Variants in LRRC4C observed in about 807,000 individuals in gnomAD.
LRRC4C encodes the protein leucine-rich repeat-containing protein 4C.
A neutral mutation model predicts 33.6 loss-of-function variants in LRRC4C; 5 were observed. The ratio of observed to expected loss-of-function variants is 0.15; its 90% CI spans 0.08 to 0.31. LRRC4C has a LOEUF of 0.31. LRRC4C is among the 10% of genes least tolerant of loss of function. LRRC4C has a pLI of 1.00. For missense variants in LRRC4C, 560 were observed against 796.7 expected (o/e 0.70, Z 3.58); for synonymous variants, 329 against 302.0 (o/e 1.09, Z -0.93).
intron 1 of LRRC4C, among the ~76,000 whole-genome samples, chr11:41,377,667 C>A (rs1465969707): frequency 6.6e-6 from 1 of 152,128 alleles, no homozygotes; most frequent in Non-Finnish European, 1.5e-5. Flanking sequence ...CATAGATGAT[C>A]CTTCAAATAC....
chr11:40,894,221 A>G (rs1242277627), intron 2 of LRRC4C, among the ~76,000 whole-genome samples: 1 of 152,160 alleles, frequency 6.6e-6, no homozygotes, highest in Non-Finnish European at 1.5e-5. Flanking sequence ...AAACGTATTG[A>G]TACATGTCTC....
chr11:40,886,956 G>A (rs1359070499), intron 2 of LRRC4C, among the ~76,000 whole-genome samples: 5 of 138,452 alleles, frequency 3.6e-5, no homozygotes, highest in Non-Finnish European at 6.0e-5. Context: ...ATACACGTGT[G>A]TGTATATATA....
At chr11:41,175,148 T>TA in intron 1 of LRRC4C, among the ~76,000 whole-genome samples, 1 of 152,144 alleles carries the variant, frequency 6.6e-6, no homozygotes, top group East Asian at 1.9e-4. Context: ...CTGATATTTG[T>TA]AAAAAATACC....
intron 3 of LRRC4C, among the ~76,000 whole-genome samples, chr11:40,555,065 G>A (rs1957282407): frequency 6.6e-6 from 1 of 152,162 alleles, no homozygotes; most frequent in African/African-American, 2.4e-5. Flanking sequence ...GAATGTTATT[G>A]AGGTACAGAA....
At chr11:41,419,086 G>A (rs1287307908) in intron 1 of LRRC4C, among the ~76,000 whole-genome samples, 2 of 151,902 alleles carry the variant, frequency 1.3e-5, no homozygotes, top group Non-Finnish European at 2.9e-5. Context: ...TAAGAAAGAG[G>A]CAAAGTACAG....
At chr11:41,114,151 A>G (rs1178556777) in intron 1 of LRRC4C, among the ~76,000 whole-genome samples, 1 of 152,082 alleles carries the variant, frequency 6.6e-6, no homozygotes, top group Non-Finnish European at 1.5e-5. Flanking sequence ...ACGAAATGAA[A>G]ACTTTCAGTT....
chr11:40,575,087 C>G (rs988170637), intron 3 of LRRC4C, among the ~76,000 whole-genome samples: 1 of 152,096 alleles, frequency 6.6e-6, no homozygotes, highest in Non-Finnish European at 1.5e-5. Context: ...CTCCAGTTCT[C>G]CATATCTCAG....
At chr11:40,563,353 G>C (rs889959896) in intron 3 of LRRC4C, among the ~76,000 whole-genome samples, 1 of 152,042 alleles carries the variant, frequency 6.6e-6, no homozygotes, top group Non-Finnish European at 1.5e-5. Context: ...GGTAACTTGG[G>C]GAAAAGCCTG....
chr11:41,436,002 G>A (rs1955412196), intron 1 of LRRC4C, among the ~76,000 whole-genome samples: 1 of 152,096 alleles, frequency 6.6e-6, no homozygotes, highest in South Asian at 2.1e-4. Context: ...TCAGGAGTTC[G>A]AGACCAGCCT....
intron 3 of LRRC4C, among the ~76,000 whole-genome samples, chr11:40,436,486 C>A (rs1951144576): frequency 6.6e-6 from 1 of 152,114 alleles, no homozygotes; most frequent in Non-Finnish European, 1.5e-5. Context: ...AGAAAATGCT[C>A]CAGTCTAGGC....
intron 3 of LRRC4C, among the ~76,000 whole-genome samples, chr11:40,625,698 A>AT (rs1453813056): frequency 2.6e-5 from 4 of 152,066 alleles, no homozygotes; most frequent in East Asian, 3.9e-4. Flanking sequence ...AAAATTTCTC[A>AT]TTTTTTCCAA....
At chr11:40,338,825 G>A (rs994509781) in intron 3 of LRRC4C, among the ~76,000 whole-genome samples, 1 of 152,038 alleles carries the variant, frequency 6.6e-6, no homozygotes, top group Non-Finnish European at 1.5e-5. Flanking sequence ...GTAGGAAAAG[G>A]CTTCATTCTG....
chr11:41,343,010 C>A (rs954630636), intron 1 of LRRC4C, among the ~76,000 whole-genome samples: 2 of 152,322 alleles, frequency 1.3e-5, no homozygotes, highest in East Asian at 1.9e-4. Context: ...CAGTCTCTAC[C>A]TTTGTCTTCA....
intron 4 of LRRC4C, among the ~76,000 whole-genome samples, chr11:40,303,015 G>T (rs1410166461): frequency 6.6e-6 from 1 of 152,096 alleles, no homozygotes; most frequent in African/African-American, 2.4e-5. Flanking sequence ...GCCACATCAA[G>T]AATTATTATT....
chr11:40,893,146 T>C (rs1955794157), intron 2 of LRRC4C, among the ~76,000 whole-genome samples: 1 of 152,092 alleles, frequency 6.6e-6, no homozygotes, highest in Non-Finnish European at 1.5e-5. Context: ...CTTCACATGT[T>C]CTCACTCATT....
intron 1 of LRRC4C, among the ~76,000 whole-genome samples, chr11:40,944,677 C>T (rs775951569): frequency 6.6e-6 from 1 of 152,066 alleles, no homozygotes; most frequent in Non-Finnish European, 1.5e-5. Flanking sequence ...TCCCAGTCCT[C>T]GAGATGATTC....
intron 3 of LRRC4C, among the ~76,000 whole-genome samples, chr11:40,329,216 A>G (rs745759830): frequency 3.3e-5 from 5 of 152,258 alleles, no homozygotes; most frequent in Non-Finnish European, 5.9e-5. Flanking sequence ...AGCTGGGTGC[A>G]ACATTAAGAT....
chr11:40,258,571 C>G (rs1045634260), intron 4 of LRRC4C, among the ~76,000 whole-genome samples: 2 of 152,158 alleles, frequency 1.3e-5, no homozygotes, highest in Admixed American at 1.3e-4. Flanking sequence ...AATGCTCAGT[C>G]ATATTTTGTG....
At chr11:40,544,949 C>G (rs1228119590) in intron 3 of LRRC4C, among the ~76,000 whole-genome samples, 1 of 152,010 alleles carries the variant, frequency 6.6e-6, no homozygotes, top group Non-Finnish European at 1.5e-5. Flanking sequence ...AACATATCTT[C>G]CATGTTCCCT....
Sources: allele counts gnomAD v4.1 joint callset (sites outside exome capture counted in the v4.1 genomes callset), GRCh38; gene constraint gnomAD v4.1.1; transcripts MANE v1.5; gene names NCBI Gene and HGNC (gene_info 2026-07-23, HGNC 2026-07-21).